STXBP4: variants seen among roughly 807,000 people sequenced by gnomAD.
STXBP4 encodes syntaxin binding protein 4, also known as syntaxin-binding protein 4.
In STXBP4, 55 loss-of-function variants were observed where a neutral mutation model predicts 76.1. That is an observed-to-expected ratio of 0.72 (90% CI 0.58 to 0.91). The LOEUF (loss-of-function observed/expected upper bound fraction) is 0.91. Ranked by LOEUF, STXBP4 falls within the 40% of genes least tolerant of loss-of-function variation. STXBP4 has a pLI of 0.00. For synonymous variants in STXBP4, 201 were observed against 220.2 expected (o/e 0.91, Z 0.77); for missense variants, 618 against 636.9 (o/e 0.97, Z 0.32).
At chr17:54,997,512 A>AT (rs535467140) in intron 4 of STXBP4, among the ~76,000 whole-genome samples, 2 of 141,086 alleles carry the variant, frequency 1.4e-5, no homozygotes, top group African/African-American at 2.5e-5. Flanking sequence ...AAAATCAAAA[A>AT]TTTTTTTTAA....
intron 16 of STXBP4, among the ~76,000 whole-genome samples, chr17:55,110,838 A>G (rs2079703721): frequency 6.6e-6 from 1 of 152,218 alleles, no homozygotes; most frequent in Non-Finnish European, 1.5e-5. Flanking sequence ...GTAATGGTAA[A>G]TAAGTCAGGA....
intron 16 of STXBP4, among the ~76,000 whole-genome samples, chr17:55,136,688 C>A (rs2080032107): frequency 6.6e-6 from 1 of 152,034 alleles, no homozygotes; most frequent in Non-Finnish European, 1.5e-5. Flanking sequence ...TTGCCCCCAC[C>A]CCCAATAGCT....
rs140647866 is a variant in STXBP4, at chr17:55,078,767, T to A, written c.1355+32T>A. 46 of 1,181,834 alleles carry A rather than the reference T, an allele frequency of 3.9e-5. No homozygotes were observed. The African/African-American group carries it at 4.8e-4, about 12-fold the overall frequency. 73.2% of individuals were successfully genotyped at this position (1,181,834 alleles called of 1,614,324 possible). On this transcript the variant is annotated intron_variant, in intron 15 of 17. Transcript: ENST00000376352. ...AAATTTAAGTGCTTTTTGCAGAATA[T>A]GGGTAGTGATTAAATTCTTCATCTG... is the stretch of plus-strand genomic sequence containing the variant.
chr17:55,004,864 C>T (rs1359517770), intron 7 of STXBP4, among the ~76,000 whole-genome samples: 1 of 152,012 alleles, frequency 6.6e-6, no homozygotes, highest in East Asian at 1.9e-4. Flanking sequence ...GAAAAACTCA[C>T]TCCCCCAGAA....
chr17:54,971,153 C>G (rs1433466344), intron 1 of STXBP4, among the ~76,000 whole-genome samples: 2 of 152,186 alleles, frequency 1.3e-5, no homozygotes, highest in African/African-American at 4.8e-5. Flanking sequence ...ATTCTTCAGT[C>G]TTTATCTGCA....
chr17:55,085,291 A>T (rs1045094778), intron 16 of STXBP4, among the ~76,000 whole-genome samples: 1 of 152,086 alleles, frequency 6.6e-6, no homozygotes, highest in East Asian at 1.9e-4. Context: ...CGCACCAGCA[A>T]GGCACATGTA....
intron 12 of STXBP4, among the ~76,000 whole-genome samples, chr17:55,064,827 C>G (rs1415411787): frequency 2.6e-5 from 4 of 152,164 alleles, no homozygotes; most frequent in Middle Eastern, 3.4e-3. Context: ...TTTGTGTTGT[C>G]AAACCTTTGT....
chr17:55,094,105 CT>C (rs1183623883), intron 16 of STXBP4, among the ~76,000 whole-genome samples: 3 of 147,890 alleles, frequency 2.0e-5, no homozygotes, highest in Non-Finnish European at 4.5e-5. Context: ...TGGGAAGGAC[CT>C]TTCAGGCCCA....
chr17:55,133,831 G>C (rs988214491), intron 16 of STXBP4, among the ~76,000 whole-genome samples: 1 of 152,176 alleles, frequency 6.6e-6, no homozygotes, highest in African/African-American at 2.4e-5. Flanking sequence ...TAGGGCAAAT[G>C]GTAGCCTCAC....
chr17:55,049,780 A>AAACTTTTCAAAAGTTTTTC (rs1184050760), intron 12 of STXBP4, among the ~76,000 whole-genome samples: 19 of 152,032 alleles, frequency 1.2e-4, no homozygotes, highest in Non-Finnish European at 2.6e-4. Context: ...AAGTTTTTCA[A>AAACTTTTCAAAAGTTTTTC]AAAATATAGT....
At chr17:55,106,784 T>C (rs1410495503) in intron 16 of STXBP4, among the ~76,000 whole-genome samples, 1 of 152,144 alleles carries the variant, frequency 6.6e-6, no homozygotes, top group Non-Finnish European at 1.5e-5. Context: ...TGTTGAATAT[T>C]GGTCCCCACT....
At chr17:54,995,096 C>G (rs932201613) in intron 4 of STXBP4, among the ~76,000 whole-genome samples, 17 of 152,158 alleles carry the variant, frequency 1.1e-4, no homozygotes, top group African/African-American at 4.1e-4. Flanking sequence ...GGCAAGGATG[C>G]TATCTGATTT....
chr17:55,026,194 G>C (rs760218094), intron 8 of STXBP4, among the ~76,000 whole-genome samples: 1 of 152,162 alleles, frequency 6.6e-6, no homozygotes, highest in Non-Finnish European at 1.5e-5. Flanking sequence ...CCCCACGTCG[G>C]TATACAGATT....
At chr17:55,183,388 C>T in the STXBP4 span, among the ~76,000 whole-genome samples, 1 of 152,066 alleles carries the variant, frequency 6.6e-6, no homozygotes, top group Non-Finnish European at 1.5e-5. Flanking sequence ...GAGTTCAAGA[C>T]CAGCCCGGGC....
At chr17:55,122,159 AC>A (rs1341004218) in intron 16 of STXBP4, among the ~76,000 whole-genome samples, 2 of 152,178 alleles carry the variant, frequency 1.3e-5, no homozygotes, top group Non-Finnish European at 2.9e-5. Flanking sequence ...ACTTCTTGGG[AC>A]ATAAATCCTC....
chr17:55,128,936 T>TC (rs1376960409), intron 16 of STXBP4, among the ~76,000 whole-genome samples: 1 of 145,552 alleles, frequency 6.9e-6, no homozygotes, highest in Non-Finnish European at 1.5e-5. Context: ...TTTTTTTTTT[T>TC]TTTTTTTTTT....
intron 8 of STXBP4, among the ~76,000 whole-genome samples, chr17:55,022,208 T>G (rs2078325056): frequency 6.6e-6 from 1 of 152,148 alleles, no homozygotes; most frequent in Non-Finnish European, 1.5e-5. Context: ...CTAGTGAACT[T>G]TTAGATGTTA....
chr17:55,095,913 C>T (rs1311816874), intron 16 of STXBP4, among the ~76,000 whole-genome samples: 4 of 152,144 alleles, frequency 2.6e-5, no homozygotes, highest in Non-Finnish European at 5.9e-5. Flanking sequence ...ATAGTTAAGA[C>T]ATGATGTCAC....
chr17:55,050,712 G>A (rs1481972116), intron 12 of STXBP4, among the ~76,000 whole-genome samples: 1 of 152,138 alleles, frequency 6.6e-6, no homozygotes, highest in Non-Finnish European at 1.5e-5. Context: ...GTTCCATCCA[G>A]GCTGTAGTGC....
Sources: allele counts gnomAD v4.1 joint callset (sites outside exome capture counted in the v4.1 genomes callset), GRCh38; gene constraint gnomAD v4.1.1; transcripts MANE v1.5; gene names NCBI Gene and HGNC (gene_info 2026-07-23, HGNC 2026-07-21).